RHOQ: variants seen among roughly 807,000 people sequenced by gnomAD.
RHOQ encodes the protein rho-related GTP-binding protein RhoQ.
RHOQ carries 7 observed loss-of-function variants against 25.8 expected under a neutral mutation model. That is an observed-to-expected ratio of 0.27 (90% confidence interval 0.15 to 0.51). RHOQ has a LOEUF of 0.51. Among genes scored for constraint, RHOQ ranks in the 20% least tolerant of loss-of-function variants. RHOQ has a pLI of 0.97. For synonymous variants in RHOQ, 97 were observed against 98.6 expected, an observed-to-expected ratio of 0.98 and a Z score of 0.10; for missense variants, 165 against 260.6, an observed-to-expected ratio of 0.63 and a Z score of 2.53.
intron 2 of RHOQ, among the ~76,000 whole-genome samples, chr2:46,571,154 C>T (rs1228550211): frequency 2.0e-5 from 3 of 152,200 alleles, no homozygotes; most frequent in Non-Finnish European, 4.4e-5. Context: ...TTCTTAGTGT[C>T]CCCTCATTAC....
Position 46,548,127 on chromosome 2 carries a change from G to T in RHOQ, c.201+4315G>T, listed in dbSNP as rs1413577669. ...TTTGGGATGTATTGTTTCTATGTCT[G>T]TTAACTTAAACACACAAGTTCAGGG... On this transcript the variant is annotated intron_variant, in intron 2 of 4. Transcript: ENST00000238738. This position sits in a 1 kb window ranked among gnomAD's most constrained non-coding sequence, Gnocchi z 5.2. Among the ~76,000 whole-genome samples, 1 of 152,210 alleles carries T rather than the reference G, an allele frequency of 6.6e-6. No individual in the cohort carries two copies. Among genetic ancestry groups the T allele is most frequent in the African/African-American group, 2.4e-5 (1 of 41,446 alleles).
At chr2:46,543,352 C>A in intron 1 of RHOQ, 164 bp downstream of exon 1, 3 of 695,480 alleles carry the variant, frequency 4.3e-6, no homozygotes, top group Non-Finnish European at 7.3e-6. Context: ...TCGCTCCTGG[C>A]AACCCCTCGC....
intron 2 of RHOQ, among the ~76,000 whole-genome samples, chr2:46,571,989 T>A (rs554557289): frequency 6.6e-6 from 1 of 151,898 alleles, no homozygotes; most frequent in East Asian, 1.9e-4. Flanking sequence ...CAGAAAGGGG[T>A]CTCCAGCTGA....
intron 4 of RHOQ, among the ~76,000 whole-genome samples, chr2:46,578,717 T>C (rs1352319253): frequency 1.3e-5 from 2 of 151,548 alleles, no homozygotes; most frequent in African/African-American, 4.8e-5. Flanking sequence ...GATAGTGCCA[T>C]TGCACTCCAG....
chr2:46,560,751 T>C (rs2104001807), intron 2 of RHOQ: 1 of 348,438 alleles, frequency 2.9e-6, no homozygotes, highest in East Asian at 8.2e-5. Context: ...GCGTAGAGTC[T>C]GTATAGACCA....
At chr2:46,575,863 T>C (rs1398107847) in intron 2 of RHOQ, among the ~76,000 whole-genome samples, 1 of 152,214 alleles carries the variant, frequency 6.6e-6, no homozygotes, top group African/African-American at 2.4e-5. Context: ...AAAGTTTTCA[T>C]TGTCATTGTT....
In RHOQ at chr2:46,552,739, C is replaced by T. The variant is rs1668280898; in HGVS notation, c.201+8927C>T. Among the ~76,000 whole-genome samples the T allele has an allele frequency of 6.6e-6, 1 of 152,172 alleles. No homozygotes were observed. Among genetic ancestry groups the T allele is most frequent in the Admixed American group, 6.5e-5 (1 of 15,284 alleles). On this transcript the variant is annotated intron_variant, in intron 2 of 4. Coordinates refer to ENST00000238738, the MANE Select transcript of RHOQ (RefSeq NM_012249.4). The surrounding 1 kb of genome is among the most constrained non-coding windows in gnomAD (Gnocchi z 5.0). ...CATTTCCTGAGCACCAGATCTGGGC[C>T]AGGGGCAGGTGTTAGAAGATCTGTC...
In RHOQ at chr2:46,552,296, C is replaced by T. The variant is rs1668268268; in HGVS notation, c.201+8484C>T. Among the ~76,000 whole-genome samples, 1 of 152,152 alleles carries T rather than the reference C, an allele frequency of 6.6e-6. No individual in the cohort carries two copies. Among genetic ancestry groups the T allele is most frequent in the Non-Finnish European group, 1.5e-5 (1 of 68,030 alleles). On this transcript the variant is annotated intron_variant, in intron 2 of 4. Coordinates refer to ENST00000238738, the MANE Select transcript of RHOQ (RefSeq NM_012249.4). This position sits in a 1 kb window ranked among gnomAD's most constrained non-coding sequence, Gnocchi z 5.0. ...CAGGCCCGAGGTGGCGCTGATGGCC[C>T]CATTGCTCAAGTACGTGTGGAAGAA...
At chr2:46,550,001 A>G (rs557792692) in intron 2 of RHOQ, among the ~76,000 whole-genome samples, 1 of 152,166 alleles carries the variant, frequency 6.6e-6, no homozygotes, top group Admixed American at 6.5e-5. Context: ...CCAAGGCTGG[A>G]GGATCATTTG....
rs951370737 is a variant in RHOQ at position 46,566,420 on chromosome 2, A to G, written c.202-9667A>G. The stretch of plus-strand genomic sequence containing the variant: ...CCTCAGTTTTCTTCATCCCTCTAAA[A>G]GATGCCATATCATCTAGATATATCC... On this transcript the variant is annotated intron_variant, in intron 2 of 4. Transcript: ENST00000238738. The surrounding 1 kb of genome is among the most constrained non-coding windows in gnomAD (Gnocchi z 4.2). 9.9e-5 allele frequency among the ~76,000 whole-genome samples: 15 copies of G among 152,074 alleles called. No individual in the cohort carries two copies. The highest frequency in any genetic ancestry group is 3.2e-3 in the Middle Eastern group (1 of 316).
chr2:46,543,708 A>C lies in RHOQ; in HGVS notation c.143-46A>C, dbSNP rs749059292. 11 of 1,581,238 alleles carry C rather than the reference A, an allele frequency of 7.0e-6. No homozygotes were observed. The East Asian group carries it at 2.5e-4, about 36-fold the overall frequency. On this transcript the variant is annotated intron_variant, in intron 1 of 4. Coordinates refer to ENST00000238738, the MANE Select transcript of RHOQ (RefSeq NM_012249.4). ...GGGGAGCGAAATTGCCCCAGAGCCC[A>C]GGTCACTGTGAGCTTCTCTCCCCGC...
At chr2:46,550,321 C>T (rs1668201945) in intron 2 of RHOQ, among the ~76,000 whole-genome samples, 1 of 152,140 alleles carries the variant, frequency 6.6e-6, no homozygotes, top group African/African-American at 2.4e-5. Context: ...AAAGTCATAG[C>T]TGCTAAATAA....
At chr2:46,561,942 T>C (rs1201679229) in intron 2 of RHOQ, among the ~76,000 whole-genome samples, 1 of 152,208 alleles carries the variant, frequency 6.6e-6, no homozygotes, top group Non-Finnish European at 1.5e-5. Flanking sequence ...CAGATCTGCA[T>C]TCCACTGTTC....
rs760034332 is a variant in RHOQ, at chr2:46,556,591, A to C, written c.201+12779A>C. On this transcript the variant is annotated intron_variant, in intron 2 of 4. Coordinates refer to ENST00000238738, the MANE Select transcript of RHOQ (RefSeq NM_012249.4). The surrounding 1 kb of genome is among the most constrained non-coding windows in gnomAD (Gnocchi z 4.9). ...ACTCTCCCACCCCAACCACACCCTA[A>C]TAGCTTTATTTATCAAACATATAAA... is the stretch of plus-strand genomic sequence containing the variant. 2.6e-5 allele frequency among the ~76,000 whole-genome samples: 4 copies of C among 151,834 alleles called. No homozygotes were observed. Among genetic ancestry groups the C allele is most frequent in the Non-Finnish European group, 5.9e-5 (4 of 67,998 alleles).
intron 2 of RHOQ, among the ~76,000 whole-genome samples, chr2:46,554,441 C>A (rs13008088): frequency 1.3e-5 from 2 of 152,008 alleles, no homozygotes; most frequent in South Asian, 2.1e-4. Flanking sequence ...TATTTCTCTC[C>A]CGCATATTAA....
At chr2:46,575,232 T>C (rs1669071420) in intron 2 of RHOQ, among the ~76,000 whole-genome samples, 1 of 152,154 alleles carries the variant, frequency 6.6e-6, no homozygotes, top group African/African-American at 2.4e-5. Flanking sequence ...AAGTACTGCA[T>C]GATTTCATTT....
intron 2 of RHOQ, among the ~76,000 whole-genome samples, chr2:46,554,631 T>C (rs1178094629): frequency 7.9e-5 from 12 of 152,028 alleles, no homozygotes; most frequent in Non-Finnish European, 4.4e-5. Context: ...CCCAGGCGGG[T>C]CACAAGGAGT....
chr2:46,543,879 C>A, intron 2 of RHOQ, 67 bp downstream of exon 2: 1 of 1,418,808 alleles, frequency 7.0e-7, no homozygotes, highest in Non-Finnish European at 9.9e-7. Flanking sequence ...TGCGAAGGGC[C>A]TTTGGAAACC....
rs1057417884 is a variant in RHOQ, at chr2:46,548,456, A to G, written c.201+4644A>G. On this transcript the variant is annotated intron_variant, in intron 2 of 4. Transcript: ENST00000238738. This position sits in a 1 kb window ranked among gnomAD's most constrained non-coding sequence, Gnocchi z 5.2. The stretch of plus-strand genomic sequence containing the variant: ...CACCTCCAGGCAAGTCATCCTCACA[A>G]CACCCTTCAAGGTAGACTTCTCCCA... Among the ~76,000 whole-genome samples, 1 of 152,218 alleles carries G rather than the reference A, an allele frequency of 6.6e-6. No homozygotes were observed. Among genetic ancestry groups the G allele is most frequent in the African/African-American group, 2.4e-5 (1 of 41,450 alleles).
Sources: allele counts gnomAD v4.1 joint callset (sites outside exome capture counted in the v4.1 genomes callset), GRCh38; gene constraint gnomAD v4.1.1; non-coding constraint Gnocchi (gnomAD v3.1); transcripts MANE v1.5; gene names NCBI Gene and HGNC (gene_info 2026-07-23, HGNC 2026-07-21).